The following PLD5 variants were observed in gnomAD, a reference collection of about 807,000 sequenced individuals.
PLD5 encodes the protein phospholipase D family member 5.
Under a neutral mutation model 61.1 loss-of-function variants are expected in PLD5, and 36 were observed. The ratio of observed to expected loss-of-function variants is 0.59; its 90% confidence interval spans 0.45 to 0.78. The LOEUF (loss-of-function observed/expected upper bound fraction) is 0.78. Among genes scored for constraint, PLD5 ranks in the 30% least tolerant of loss-of-function variants. PLD5 has a pLI of 0.00. For synonymous variants in PLD5, 243 were observed against 242.8 expected, an observed-to-expected ratio of 1.00 and a Z score of -0.01; for missense variants, 515 against 644.4, an observed-to-expected ratio of 0.80 and a Z score of 2.17.
intron 1 of PLD5, among the ~76,000 whole-genome samples, chr1:242,382,334 A>G (rs1434075447): frequency 6.6e-6 from 1 of 152,148 alleles, no homozygotes; most frequent in Non-Finnish European, 1.5e-5. Context: ...ATCAAGGGAA[A>G]GAATGGAGAT....
chr1:242,136,080 A>G (rs1046707664), intron 5 of PLD5, among the ~76,000 whole-genome samples: 1 of 152,208 alleles, frequency 6.6e-6, no homozygotes, highest in Non-Finnish European at 1.5e-5. Context: ...GACATACACA[A>G]CCTGCAGATT....
chr1:242,326,612 A>C (rs1419352762), intron 2 of PLD5, among the ~76,000 whole-genome samples: 2 of 152,148 alleles, frequency 1.3e-5, no homozygotes, highest in African/African-American at 4.8e-5. Context: ...TCTCTGCTTG[A>C]AACTTTGCAC....
chr1:242,376,829 G>A, intron 1 of PLD5: 1 of 1,324,202 alleles, frequency 7.6e-7, no homozygotes, highest in Non-Finnish European at 1.0e-6. Flanking sequence ...AGACAGTACT[G>A]TTAATTCTAT....
chr1:242,197,650 T>C (rs903712484), intron 5 of PLD5, among the ~76,000 whole-genome samples: 4 of 151,022 alleles, frequency 2.6e-5, no homozygotes, highest in East Asian at 1.9e-4. Flanking sequence ...TTTTTTTTTT[T>C]CTGAGACGGA....
At chr1:242,376,950 G>T in intron 1 of PLD5, 6 of 1,609,502 alleles carry the variant, frequency 3.7e-6, no homozygotes, top group Admixed American at 1.7e-5. Flanking sequence ...CATCCTTTTG[G>T]ATTTGATGAA....
chr1:242,294,895 C>T lies in PLD5; in HGVS notation c.327-6365G>A, dbSNP rs114066432. ...CTAAAAGGAGCCTTAGAAACTGGTG[C>T]CTACACGACATTTTCAAAGTGACTG... On this transcript the variant is annotated intron_variant, in intron 2 of 9. Coordinates refer to ENST00000536534, the MANE Select transcript of PLD5 (RefSeq NM_001372062.1). Among the ~76,000 whole-genome samples the T allele has an allele frequency of 3.7e-3, 561 of 152,324 alleles. 2 individuals carry two copies. The highest frequency in any genetic ancestry group is 0.013 in the African/African-American group (539 of 41,582).
chr1:242,500,760 G>T (rs931096624), intron 1 of PLD5, among the ~76,000 whole-genome samples: 5 of 151,730 alleles, frequency 3.3e-5, no homozygotes, highest in Admixed American at 6.6e-5. Context: ...GATGTAGTCC[G>T]TAATAAGGTG....
intron 5 of PLD5, among the ~76,000 whole-genome samples, chr1:242,132,704 C>T (rs533975733): frequency 1.1e-4 from 16 of 152,282 alleles, no homozygotes; most frequent in Non-Finnish European, 2.1e-4. Context: ...TCTCCCGCCC[C>T]TTCATTCCCA....
intron 3 of PLD5, 114 bp downstream of exon 3, chr1:242,288,248 G>T (rs1675144402): frequency 6.9e-7 from 1 of 1,449,106 alleles, no homozygotes; most frequent in African/African-American, 1.4e-5. Context: ...TGTACTCTGG[G>T]TGTGTGTAGA....
At position 242,167,287 on chromosome 1, in the gene PLD5, T is replaced by G. The variant is rs1264464730; in HGVS notation, c.736-42622A>C. ...CATTTATAAAGAAAAAGAAGTTTAA[T>G]GGACTAACAGTTCCACATGGCTGGG... On this transcript the variant is annotated intron_variant, in intron 5 of 9. Coordinates refer to ENST00000536534, the MANE Select transcript of PLD5 (RefSeq NM_001372062.1). 2.6e-5 allele frequency among the ~76,000 whole-genome samples: 4 copies of G among 152,230 alleles called. No homozygotes were observed. In the East Asian group the frequency reaches 7.7e-4, roughly 29 times the overall value.
At chr1:242,255,613 T>C (rs1206717168) in intron 4 of PLD5, among the ~76,000 whole-genome samples, 1 of 152,248 alleles carries the variant, frequency 6.6e-6, no homozygotes, top group Non-Finnish European at 1.5e-5. Flanking sequence ...AAATTACACA[T>C]GCTTCTATGC....
chr1:242,491,803 AT>A (rs1027697740), intron 1 of PLD5, among the ~76,000 whole-genome samples: 1 of 152,168 alleles, frequency 6.6e-6, no homozygotes, highest in Non-Finnish European at 1.5e-5. Context: ...ACTTCCCTTG[AT>A]ATTAATAGGA....
chr1:242,214,745 GCAAA>G (rs1463462575), intron 5 of PLD5, among the ~76,000 whole-genome samples: 1 of 152,066 alleles, frequency 6.6e-6, no homozygotes, highest in African/African-American at 2.4e-5. Flanking sequence ...ATTAGTTATG[GCAAA>G]CAGATGTTAC....
intron 1 of PLD5, among the ~76,000 whole-genome samples, chr1:242,413,438 A>T (rs1312519311): frequency 1.3e-5 from 2 of 152,088 alleles, no homozygotes; most frequent in Non-Finnish European, 2.9e-5. Context: ...ACAGACTAGC[A>T]GGGGGACAAA....
intron 1 of PLD5, among the ~76,000 whole-genome samples, chr1:242,419,564 T>G (rs1441870116): frequency 3.2e-5 from 4 of 124,346 alleles, no homozygotes; most frequent in East Asian, 4.3e-4. Context: ...CCCGGCTAAA[T>G]TTTTTGCATT....
At chr1:242,124,891 T>C (rs1316549873) in intron 5 of PLD5, among the ~76,000 whole-genome samples, 1 of 152,232 alleles carries the variant, frequency 6.6e-6, no homozygotes, top group Non-Finnish European at 1.5e-5. Flanking sequence ...AATTTTCTTA[T>C]AGTCATCTAT....
At chr1:242,243,265 C>A (rs1672171434) in intron 4 of PLD5, among the ~76,000 whole-genome samples, 1 of 152,176 alleles carries the variant, frequency 6.6e-6, no homozygotes, top group Admixed American at 6.5e-5. Context: ...GAGAGTCCGG[C>A]CAAACTGGTT....
At chr1:242,299,563 C>T (rs1410974463) in intron 2 of PLD5, among the ~76,000 whole-genome samples, 1 of 152,204 alleles carries the variant, frequency 6.6e-6, no homozygotes, top group Non-Finnish European at 1.5e-5. Flanking sequence ...TCCATTGCCT[C>T]TTCCAAGTTT....
At chr1:242,348,361 C>T (rs1415217020) in intron 1 of PLD5, 119 bp from the exon 2 acceptor site, 2 of 1,122,334 alleles carry the variant, frequency 1.8e-6, no homozygotes, top group Non-Finnish European at 2.5e-6. Context: ...TTATCACTGC[C>T]TAGAAGGGAA....
Sources: gnomAD v4.1 joint callset for allele counts (sites outside exome capture counted in the v4.1 genomes callset) on GRCh38, gnomAD v4.1.1 for gene constraint, MANE v1.5 for transcripts, NCBI Gene and HGNC (gene_info 2026-07-23, HGNC 2026-07-21) for gene names.